Variants in ANO4 observed in about 807,000 individuals in gnomAD.
The protein encoded by ANO4 is anoctamin-4.
In ANO4, 69 loss-of-function variants were observed where a neutral mutation model predicts 141.9. That is an observed-to-expected ratio of 0.49 (90% CI 0.40 to 0.59). The LOEUF (loss-of-function observed/expected upper bound fraction) is 0.59. Among genes scored for constraint, ANO4 ranks in the 20% least tolerant of loss-of-function variants. ANO4 has a pLI of 0.00. For synonymous variants in ANO4, 350 were observed against 394.3 expected, an observed-to-expected ratio of 0.89 and a Z score of 1.33; for missense variants, 894 against 1,162.2, an observed-to-expected ratio of 0.77 and a Z score of 3.36.
chr12:101,019,262 A>G (rs1204156205), intron 8 of ANO4, among the ~76,000 whole-genome samples: 1 of 152,146 alleles, frequency 6.6e-6, no homozygotes, highest in African/African-American at 2.4e-5. Flanking sequence ...TGCATTCGTA[A>G]AAAGGGGAAA....
chr12:101,061,214 C>G (rs1471085492), intron 14 of ANO4, among the ~76,000 whole-genome samples: 1 of 152,104 alleles, frequency 6.6e-6, no homozygotes, highest in African/African-American at 2.4e-5. Context: ...GGCCCCCACT[C>G]TCTTCTGGCT....
At chr12:101,016,112 A>C (rs1014289288) in intron 8 of ANO4, among the ~76,000 whole-genome samples, 1 of 152,168 alleles carries the variant, frequency 6.6e-6, no homozygotes, top group African/African-American at 2.4e-5. Flanking sequence ...GATGAGATTT[A>C]GTTTCATAGC....
At chr12:101,033,174 G>A (rs1009225642) in intron 9 of ANO4, among the ~76,000 whole-genome samples, 1 of 152,226 alleles carries the variant, frequency 6.6e-6, no homozygotes, top group Admixed American at 6.5e-5. Context: ...GTAGGGACAT[G>A]AATGAAATTG....
chr12:101,035,966 C>T (rs1382628094), intron 9 of ANO4, among the ~76,000 whole-genome samples: 1 of 151,956 alleles, frequency 6.6e-6, no homozygotes, highest in Non-Finnish European at 1.5e-5. Context: ...TTACCCATGT[C>T]ACAAACCTGC....
intron 1 of ANO4, among the ~76,000 whole-genome samples, chr12:100,732,398 C>T (rs1357109735): frequency 1.3e-5 from 2 of 150,962 alleles, no homozygotes; most frequent in African/African-American, 2.4e-5. Flanking sequence ...AAGTGATTGG[C>T]CCATTTTTTT....
chr12:100,956,714 A>G (rs1454049473), intron 5 of ANO4, among the ~76,000 whole-genome samples: 2 of 152,214 alleles, frequency 1.3e-5, no homozygotes, highest in Non-Finnish European at 2.9e-5. Flanking sequence ...ATAACATCAT[A>G]TAGTTATAAA....
intron 9 of ANO4, among the ~76,000 whole-genome samples, chr12:101,030,305 A>C (rs984332839): frequency 6.6e-6 from 1 of 152,254 alleles, no homozygotes; most frequent in Non-Finnish European, 1.5e-5. Context: ...ATCAAATTAG[A>C]ACTCAGGATT....
chr12:100,908,964 C>T (rs1295705812), intron 2 of ANO4, among the ~76,000 whole-genome samples: 1 of 152,114 alleles, frequency 6.6e-6, no homozygotes, highest in Non-Finnish European at 1.5e-5. Flanking sequence ...ATTTGCCCTC[C>T]TTGGAGTATT....
chr12:100,903,896 A>G (rs539496735), intron 2 of ANO4, among the ~76,000 whole-genome samples: 2 of 152,332 alleles, frequency 1.3e-5, no homozygotes, highest in South Asian at 4.1e-4. Context: ...AAGTTGGTTC[A>G]TCAAATAGAC....
At chr12:101,031,713 T>C (rs2046984167) in intron 9 of ANO4, among the ~76,000 whole-genome samples, 1 of 152,184 alleles carries the variant, frequency 6.6e-6, no homozygotes, top group South Asian at 2.1e-4. Context: ...TTCCTTAAGC[T>C]GACAAGCAAC....
chr12:100,754,597 A>G (rs2032528515), intron 3 of ANO4, among the ~76,000 whole-genome samples: 1 of 152,232 alleles, frequency 6.6e-6, no homozygotes, highest in Non-Finnish European at 1.5e-5. Flanking sequence ...CAGGTATTCA[A>G]ACAAACATTT....
At chr12:101,053,999 G>A (rs1384616385) in intron 14 of ANO4, among the ~76,000 whole-genome samples, 3 of 152,220 alleles carry the variant, frequency 2.0e-5, no homozygotes, top group African/African-American at 7.2e-5. Context: ...TGGCAGGCAG[G>A]CCCCTTAGAA....
intron 25 of ANO4, among the ~76,000 whole-genome samples, chr12:101,118,396 A>G (rs2050942590): frequency 1.3e-5 from 2 of 152,316 alleles, no homozygotes. Context: ...CCATTAAGTT[A>G]AATTATGATT....
intron 3 of ANO4, among the ~76,000 whole-genome samples, chr12:100,786,754 T>C (rs989310166): frequency 3.3e-5 from 5 of 152,214 alleles, no homozygotes; most frequent in Admixed American, 6.5e-5. Flanking sequence ...GTGGGATAAA[T>C]TAATGCCTGT....
intron 5 of ANO4, among the ~76,000 whole-genome samples, chr12:100,959,006 C>T (rs1480595069): frequency 6.6e-6 from 1 of 152,018 alleles, no homozygotes; most frequent in Non-Finnish European, 1.5e-5. Context: ...ACCAAGATCT[C>T]GAATAGGTGG....
At chr12:101,022,627 A>T (rs1268508002) in intron 9 of ANO4, among the ~76,000 whole-genome samples, 1 of 152,228 alleles carries the variant, frequency 6.6e-6, no homozygotes, top group Admixed American at 6.5e-5. Flanking sequence ...AAAGCAAGTG[A>T]GTGAAAGTGA....
intron 1 of ANO4, among the ~76,000 whole-genome samples, chr12:100,811,328 T>G (rs1402847591): frequency 1.3e-5 from 2 of 152,226 alleles, no homozygotes; most frequent in South Asian, 4.1e-4. Context: ...TAAGATGTTC[T>G]GGAGACTTGA....
intron 8 of ANO4, among the ~76,000 whole-genome samples, chr12:101,010,950 C>CTG (rs2046060502): frequency 6.6e-6 from 1 of 152,184 alleles, no homozygotes; most frequent in African/African-American, 2.4e-5. Context: ...ACTGCTTTCA[C>CTG]CTGGAGTCAA....
intron 3 of ANO4, among the ~76,000 whole-genome samples, chr12:100,925,528 G>A (rs1742465376): frequency 6.6e-6 from 1 of 151,638 alleles, no homozygotes; most frequent in South Asian, 2.1e-4. Flanking sequence ...ATAGCATTAG[G>A]AGAAATACCT....
Sources: allele counts gnomAD v4.1 joint callset (sites outside exome capture counted in the v4.1 genomes callset), GRCh38; gene constraint gnomAD v4.1.1; transcripts MANE v1.5; gene names NCBI Gene and HGNC (gene_info 2026-07-23, HGNC 2026-07-21).